The following KIF15 variants were observed in gnomAD, a reference collection of about 807,000 sequenced individuals.
The protein encoded by KIF15 is kinesin-like protein KIF15.
In KIF15, 140 loss-of-function variants were observed where a neutral mutation model predicts 190.6. That is an observed-to-expected ratio of 0.73 (90% CI 0.64 to 0.84). KIF15 has a LOEUF of 0.84. Ranked by LOEUF, KIF15 falls within the 40% of genes least tolerant of loss-of-function variation. The pLI is 0.00. For synonymous variants in KIF15, 528 were observed against 551.3 expected (o/e 0.96, Z 0.59); for missense variants, 1,372 against 1,584.4 (o/e 0.87, Z 2.28).
chr3:44,802,254 G>A (rs939263689), intron 13 of KIF15, among the ~76,000 whole-genome samples: 1 of 152,198 alleles, frequency 6.6e-6, no homozygotes, highest in African/African-American at 2.4e-5. Context: ...TGAGTCAGTA[G>A]GCTCTTTAGG....
rs977452183 is a variant in KIF15, at chr3:44,823,117, C to T, written c.2550-2922C>T. Among the ~76,000 whole-genome samples, 4 of 152,164 alleles carry T rather than the reference C, an allele frequency of 2.6e-5. No homozygotes were observed. In the East Asian group the frequency reaches 7.7e-4, roughly 29 times the overall value. ...GTTTTTAGAATTTTCAGCTTTTCTC[C>T]TGTGGTTTCTCCCCATTTTTGTGGT... On this transcript the variant is annotated intron_variant, in intron 20 of 34. Coordinates refer to ENST00000326047, the MANE Select transcript of KIF15 (RefSeq NM_020242.3).
chr3:44,867,057 C>G (rs1313705577), intron 6 of KIF15, among the ~76,000 whole-genome samples: 1 of 152,150 alleles, frequency 6.6e-6, no homozygotes, highest in African/African-American at 2.4e-5. Flanking sequence ...CCAGCCAACC[C>G]GTGAGGGAGT....
chr3:44,823,180 G>C (rs377617181), intron 20 of KIF15, among the ~76,000 whole-genome samples: 5 of 152,278 alleles, frequency 3.3e-5, no homozygotes, highest in African/African-American at 1.2e-4. Context: ...GTGACTGACA[G>C]ATGGGGTTTT....
At chr3:44,843,015 C>T in intron 29 of KIF15, 110 bp from the exon 30 acceptor site, 3 of 712,072 alleles carry the variant, frequency 4.2e-6, no homozygotes, top group Non-Finnish European at 4.7e-6. Flanking sequence ...AGTGCAGTGT[C>T]TCTGCATAGG....
chr3:44,767,167 C>T (rs1353406675), intron 1 of KIF15, among the ~76,000 whole-genome samples: 1 of 152,090 alleles, frequency 6.6e-6, no homozygotes, highest in Admixed American at 6.6e-5. Context: ...TGGAATTCCT[C>T]ATAATGTCAT....
chr3:44,811,347 T>TA lies in KIF15; in HGVS notation c.2169+311dup, dbSNP rs544612320. Among the ~76,000 whole-genome samples, 46 of 152,270 alleles carry TA rather than the reference T, an allele frequency of 3.0e-4. No homozygotes were observed. In the South Asian group the frequency reaches 3.1e-3, roughly 10 times the overall value. On this transcript the variant is annotated intron_variant, in intron 17 of 34. Coordinates refer to ENST00000326047, the MANE Select transcript of KIF15 (RefSeq NM_020242.3). ...TTATATAGCAAAGTGCTGTATCTGC[T>TA]AAAAAAAGTTAAAAGAGGCCGGGTG...
At chr3:44,853,971 T>G (rs1414978398), downstream of KIF15, among the ~76,000 whole-genome samples, 2 of 152,232 alleles carry the variant, frequency 1.3e-5, no homozygotes, top group Non-Finnish European at 2.9e-5. Flanking sequence ...AGTAAATCAT[T>G]GGCTGCTTGG....
intron 25 of KIF15, 27 bp from the exon 26 acceptor site, chr3:44,830,869 C>G (rs1473675307): frequency 6.2e-7 from 1 of 1,602,812 alleles, no homozygotes; most frequent in Non-Finnish European, 8.5e-7. Flanking sequence ...TAAAATGGCT[C>G]TTATAGCATG....
Position 44,778,123 on chromosome 3 carries a change from A to G in KIF15, c.255A>G (p.Val85=), listed in dbSNP as rs778777889. 1.7e-5 allele frequency: 28 copies of G among 1,612,994 alleles called. No individual in the cohort carries two copies. The highest frequency in any genetic ancestry group is 2.2e-5 in the East Asian group (1 of 44,878). ...TTTGGTTACATTTGTAGGAATCTGT[A>G]TTCGCAACTGTGGCTAAAAGCATTG... ...VADVDTTQES[V]FATVAKSIVE... The change falls in exon 4 of 35, where the codon GTA becomes GTG. Residue 85 remains valine (V), a synonymous_variant. Transcript: ENST00000326047.
chr3:44,827,059 A>G (rs1697701199), intron 22 of KIF15: 1 of 456,624 alleles, frequency 2.2e-6, no homozygotes, highest in Non-Finnish European at 4.4e-6. Flanking sequence ...ATTGACATTT[A>G]CTCATTTATT....
At chr3:44,770,711 G>T (rs1347801115) in intron 1 of KIF15, among the ~76,000 whole-genome samples, 1 of 152,174 alleles carries the variant, frequency 6.6e-6, no homozygotes, top group Non-Finnish European at 1.5e-5. Context: ...CAAATATATT[G>T]TCATAAGTTA....
intron 5 of KIF15, among the ~76,000 whole-genome samples, chr3:44,784,377 C>T (rs1397819552): frequency 6.6e-6 from 1 of 151,956 alleles, no homozygotes; most frequent in African/African-American, 2.4e-5. Flanking sequence ...GGGATTTCAT[C>T]GTGATCTCGA....
In KIF15 at chr3:44,847,936, C is replaced by T. The variant is rs749451937; in HGVS notation, c.3696-49C>T. On this transcript the variant is annotated intron_variant, in intron 30 of 34. Coordinates refer to ENST00000326047, the MANE Select transcript of KIF15 (RefSeq NM_020242.3). ...AATTTGAAATTGATACTTGAATATA[C>T]TTAGCAGTGTTTTCCTATGCCTCCT... is the stretch of plus-strand genomic sequence containing the variant. The T allele has an allele frequency of 2.4e-6, 3 of 1,272,548 alleles. No homozygotes were observed. The African/African-American group carries it at 4.5e-5, about 19-fold the overall frequency. 78.8% of individuals were successfully genotyped at this position (1,272,548 alleles called of 1,614,324 possible). A position where few individuals can be genotyped will look rare whatever the true frequency, so the allele number is the denominator to read the frequency against.
At chr3:44,804,241 C>T (rs1707395779) in intron 14 of KIF15, among the ~76,000 whole-genome samples, 1 of 152,176 alleles carries the variant, frequency 6.6e-6, no homozygotes, top group Non-Finnish European at 1.5e-5. Flanking sequence ...TTGACTTACT[C>T]CCTTCAGAAG....
In KIF15 at chr3:44,782,242, G is replaced by A. The variant is rs557783271; in HGVS notation, c.361+1320G>A. Among the ~76,000 whole-genome samples the A allele has an allele frequency of 2.6e-5, 4 of 152,114 alleles. No homozygotes were observed. The South Asian group carries it at 6.2e-4, about 24-fold the overall frequency. On this transcript the variant is annotated intron_variant, in intron 5 of 34. Coordinates refer to ENST00000326047, the MANE Select transcript of KIF15 (RefSeq NM_020242.3). ...ATTTTTGTATATTTAGTAGAGACGG[G>A]GTGGGGGGCGCGTCTCACCATGTTG...
chr3:44,841,951 G>T (rs558415089), intron 29 of KIF15, among the ~76,000 whole-genome samples: 1 of 152,266 alleles, frequency 6.6e-6, no homozygotes, highest in Admixed American at 6.5e-5. Context: ...TACAGGTTGC[G>T]CCAGCTATGC....
intron 11 of KIF15, among the ~76,000 whole-genome samples, chr3:44,801,038 CTCTT>C (rs1386986032): frequency 6.7e-6 from 1 of 149,458 alleles, no homozygotes; most frequent in Admixed American, 6.7e-5. Context: ...GACGCAGTCT[CTCTT>C]TGTCACCCAG....
intron 22 of KIF15, 139 bp from the exon 23 acceptor site, chr3:44,827,320 A>G (rs1697719220): frequency 1.7e-6 from 1 of 605,626 alleles, no homozygotes; most frequent in Non-Finnish European, 3.0e-6. Flanking sequence ...CAAATTTCTG[A>G]TCCCCCCGGA....
chr3:44,769,418 G>A (rs554066833), intron 1 of KIF15, among the ~76,000 whole-genome samples: 13 of 152,202 alleles, frequency 8.5e-5, no homozygotes, highest in Non-Finnish European at 1.0e-4. Flanking sequence ...CCAAGACCTG[G>A]GTGATCATCA....
Sources: allele counts gnomAD v4.1 joint callset (sites outside exome capture counted in the v4.1 genomes callset), GRCh38; gene constraint gnomAD v4.1.1; transcripts MANE v1.5; gene names NCBI Gene and HGNC (gene_info 2026-07-23, HGNC 2026-07-21).